The following KYNU variants were observed in gnomAD, a reference collection of about 807,000 sequenced individuals.
KYNU encodes the protein kynureninase, also known as L-kynurenine hydrolase.
KYNU carries 54 observed loss-of-function variants against 59.2 expected under a neutral mutation model. The observed-to-expected ratio is 0.91, with a 90% CI of 0.73 to 1.14. The LOEUF (loss-of-function observed/expected upper bound fraction) is 1.14. Among genes scored for constraint, KYNU ranks in the 50% most tolerant of loss-of-function variants. KYNU has a pLI of 0.00. For synonymous variants in KYNU, 177 were observed against 192.0 expected, an observed-to-expected ratio of 0.92 and a Z score of 0.65; for missense variants, 567 against 554.4, an observed-to-expected ratio of 1.02 and a Z score of -0.23.
intron 10 of KYNU, among the ~76,000 whole-genome samples, chr2:143,006,478 G>C (rs1685902174): frequency 7.1e-6 from 1 of 140,788 alleles, no homozygotes; most frequent in African/African-American, 2.7e-5. Context: ...GAGGCTGGGG[G>C]AGGGGCGCCC....
chr2:142,946,749 A>G (rs1683795297), intron 4 of KYNU, among the ~76,000 whole-genome samples: 1 of 152,174 alleles, frequency 6.6e-6, no homozygotes, highest in African/African-American at 2.4e-5. Flanking sequence ...TAGCTATGTT[A>G]ATCCTGAATA....
chr2:143,029,729 A>G, intron 11 of KYNU, 50 bp downstream of exon 11: 1 of 1,072,924 alleles, frequency 9.3e-7, no homozygotes, highest in East Asian at 2.4e-5. Context: ...ACTTTATTTC[A>G]ATGTTCATCT....
intron 2 of KYNU, among the ~76,000 whole-genome samples, chr2:142,909,053 CT>C (rs1226756072): frequency 6.6e-6 from 1 of 152,166 alleles, no homozygotes. Flanking sequence ...CAGTTTGTCT[CT>C]TTCAAACACA....
At chr2:142,953,867 C>G (rs1180192786) in intron 4 of KYNU, among the ~76,000 whole-genome samples, 5 of 152,126 alleles carry the variant, frequency 3.3e-5, no homozygotes, top group African/African-American at 4.8e-5. Context: ...TGGCTTCTCC[C>G]CTCTAGTGAA....
intron 7 of KYNU, among the ~76,000 whole-genome samples, chr2:142,958,769 G>A (rs1300765825): frequency 1.3e-5 from 2 of 152,124 alleles, no homozygotes; most frequent in African/African-American, 2.4e-5. Context: ...ACATGAGAGA[G>A]GGCCGTATCC....
intron 10 of KYNU, among the ~76,000 whole-genome samples, chr2:142,994,671 TTA>T (rs1285058529): frequency 3.3e-5 from 5 of 152,106 alleles, no homozygotes; most frequent in African/African-American, 1.2e-4. Context: ...AATAAGTTTA[TTA>T]TAGATTGAAA....
At chr2:142,887,661 C>T (rs574111362) in intron 2 of KYNU, among the ~76,000 whole-genome samples, 22 of 152,062 alleles carry the variant, frequency 1.4e-4, no homozygotes, top group Non-Finnish European at 2.8e-4. Context: ...AATCCAGACG[C>T]AAAAAGAAAA....
chr2:142,932,359 G>A (rs1170936526), intron 4 of KYNU, among the ~76,000 whole-genome samples: 1 of 152,094 alleles, frequency 6.6e-6, no homozygotes, highest in Non-Finnish European at 1.5e-5. Flanking sequence ...GAGTAAAGAG[G>A]AGAGAACAAG....
chr2:142,997,626 G>A (rs972161912), intron 10 of KYNU, among the ~76,000 whole-genome samples: 1 of 152,132 alleles, frequency 6.6e-6, no homozygotes. Context: ...ACTTATGACA[G>A]CAGTCTTCTA....
intron 10 of KYNU, among the ~76,000 whole-genome samples, chr2:143,020,986 G>C (rs1225249824): frequency 6.6e-6 from 1 of 152,166 alleles, no homozygotes; most frequent in African/African-American, 2.4e-5. Context: ...CAATCTGAGA[G>C]GTGAACAATG....
At chr2:143,012,210 G>T (rs1046779707) in intron 10 of KYNU, among the ~76,000 whole-genome samples, 5 of 152,114 alleles carry the variant, frequency 3.3e-5, no homozygotes, top group Non-Finnish European at 7.4e-5. Flanking sequence ...GACCAGGCAC[G>T]ATGACTCACG....
intron 2 of KYNU, among the ~76,000 whole-genome samples, chr2:142,917,421 A>G (rs1200888891): frequency 6.6e-6 from 1 of 152,086 alleles, no homozygotes; most frequent in African/African-American, 2.4e-5. Context: ...AGCTATAAGG[A>G]GATTATCAGT....
At chr2:142,990,530 G>A (rs916107512) in intron 10 of KYNU, among the ~76,000 whole-genome samples, 1 of 151,762 alleles carries the variant, frequency 6.6e-6, no homozygotes, top group African/African-American at 2.4e-5. Context: ...AGTCTACTAT[G>A]AAAACAGGAG....
At chr2:142,989,435 T>A (rs1489458185) in intron 10 of KYNU, 8 of 984,290 alleles carry the variant, frequency 8.1e-6, no homozygotes, top group Non-Finnish European at 9.7e-6. Flanking sequence ...GGAACAAATG[T>A]AACTGCTATT....
intron 4 of KYNU, among the ~76,000 whole-genome samples, chr2:142,945,706 A>G (rs34920245): frequency 0.021 from 3,172 of 152,166 alleles, 60 homozygotes; most frequent in African/African-American, 0.051. Context: ...TATCTGTGGC[A>G]ACAATATCCT....
chr2:143,032,710 A>AG lies in KYNU; in HGVS notation c.956-526_956-525insG, dbSNP rs775769842. On this transcript the variant is annotated intron_variant, in intron 11 of 13. Coordinates refer to ENST00000264170, the MANE Select transcript of KYNU (RefSeq NM_003937.3). ...AGATCTTTTTTTTAAAGCTCCCTCT[A>AG]TTGTGTGTGTGTGTGTGTGTGTGTG... Among the ~76,000 whole-genome samples the AG allele has an allele frequency of 1.3e-3, 6 of 4,498 alleles. 1 individual carries two copies. Among genetic ancestry groups the AG allele is most frequent in the Non-Finnish European group, 2.0e-3 (3 of 1,502 alleles). The allele number at this position is 4,498 out of a possible 152,430, so 3.0% of individuals were successfully genotyped here.
Position 142,912,999 on chromosome 2 carries a change from C to T in KYNU, c.170-5610C>T, listed in dbSNP as rs575980945. On this transcript the variant is annotated intron_variant, in intron 2 of 13. Transcript: ENST00000264170. ...GTGCTGGGATTACAGGCTGGAGCCA[C>T]CGCTCCCGGCTGGATCTTTTGTATT... Among the ~76,000 whole-genome samples the T allele has an allele frequency of 5.5e-4, 83 of 152,260 alleles. No homozygotes were observed. The South Asian group carries it at 9.1e-3, about 17-fold the overall frequency.
chr2:143,053,021 C>T lies in KYNU; in HGVS notation c.*10849C>T, dbSNP rs1351955944. 1 of 152,374 alleles carries T rather than the reference C, an allele frequency of 6.6e-6. No individual in the cohort carries two copies. Among genetic ancestry groups the T allele is most frequent in the Non-Finnish European group, 1.5e-5 (1 of 68,150 alleles). The allele number at this position is 152,374 out of a possible 1,614,324, so 9.4% of individuals were successfully genotyped here. On this transcript the variant is annotated 3_prime_UTR_variant, in exon 14 of 14. Coordinates refer to ENST00000264170, the MANE Select transcript of KYNU (RefSeq NM_003937.3). Reference sequence around the variant, plus strand: ...GGCTGTGGGAGACCACCTCTTGCATCAGTGTGACCTGGATGTGAGACATGG... The same window carrying T: ...GGCTGTGGGAGACCACCTCTTGCATTAGTGTGACCTGGATGTGAGACATGG...
At chr2:143,034,767 TAAAAC>T (rs1686846107) in intron 12 of KYNU, among the ~76,000 whole-genome samples, 1 of 152,256 alleles carries the variant, frequency 6.6e-6, no homozygotes, top group African/African-American at 2.4e-5. Flanking sequence ...TTAAACATTT[TAAAAC>T]AAAATAAAGT....
Sources: allele counts gnomAD v4.1 joint callset (sites outside exome capture counted in the v4.1 genomes callset), GRCh38; gene constraint gnomAD v4.1.1; transcripts MANE v1.5; gene names NCBI Gene and HGNC (gene_info 2026-07-23, HGNC 2026-07-21).